Variants in SFMBT2 observed in about 807,000 individuals in gnomAD.
SFMBT2 encodes the protein Scm like with four mbt domains 2.
In SFMBT2, 38 loss-of-function variants were observed where a neutral mutation model predicts 110.1. That is an observed-to-expected ratio of 0.35 (90% CI 0.27 to 0.45). The LOEUF is 0.45. Among genes scored for constraint, SFMBT2 ranks in the 20% least tolerant of loss-of-function variants. SFMBT2 has a pLI of 1.00. For missense variants in SFMBT2, 1,011 were observed against 1,094.9 expected (o/e 0.92, Z 1.08); for synonymous variants, 425 against 425.4 (o/e 1.00, Z 0.01).
At chr10:7,350,656 A>G (rs564087190) in intron 4 of SFMBT2, among the ~76,000 whole-genome samples, 9 of 152,288 alleles carry the variant, frequency 5.9e-5, no homozygotes, top group African/African-American at 2.2e-4. Context: ...TGGAATAAAG[A>G]CTGTTTTATA....
rs1362080305 is a variant in SFMBT2 at position 7,230,189 on chromosome 10, C to A, written c.1121-2252G>T. On this transcript the variant is annotated intron_variant, in intron 9 of 20. Coordinates refer to ENST00000397167, the MANE Select transcript of SFMBT2 (RefSeq NM_001387889.1). ...TTTCATTCTATAAAGACTGAAAATT[C>A]TTTCCAGCCACTTTCAAAGAGGTTC... Among the ~76,000 whole-genome samples the A allele has an allele frequency of 3.3e-5, 5 of 152,056 alleles. No homozygotes were observed. In the South Asian group the frequency reaches 6.2e-4, roughly 19 times the overall value.
intron 4 of SFMBT2, among the ~76,000 whole-genome samples, chr10:7,311,646 T>C (rs1235319685): frequency 1.3e-5 from 2 of 152,244 alleles, no homozygotes; most frequent in East Asian, 1.9e-4. Flanking sequence ...TCACGTCATG[T>C]TGACAAAAAG....
intron 11 of SFMBT2, among the ~76,000 whole-genome samples, chr10:7,209,445 C>T (rs1444897349): frequency 2.0e-5 from 3 of 152,206 alleles, no homozygotes; most frequent in Non-Finnish European, 4.4e-5. Flanking sequence ...CCAGAACCTT[C>T]GTCTCAAAAA....
chr10:7,290,302 G>C (rs1588422333), intron 4 of SFMBT2, among the ~76,000 whole-genome samples: 1 of 150,752 alleles, frequency 6.6e-6, no homozygotes, highest in African/African-American at 2.4e-5. Flanking sequence ...ACATTCTCAT[G>C]AACATTTTTT....
Position 7,189,398 on chromosome 10 carries a change from G to A in SFMBT2, c.1699-665C>T, listed in dbSNP as rs553159104. ...CTACCATGGGGCTCAGAAAGAGCAG[G>A]CATTTCTAAGAGTTCCAGCTGCTGA... On this transcript the variant is annotated intron_variant, in intron 15 of 20. Transcript: ENST00000397167. Among the ~76,000 whole-genome samples the A allele has an allele frequency of 9.9e-5, 15 of 152,204 alleles. No individual in the cohort carries two copies. The South Asian group carries it at 1.7e-3, about 17-fold the overall frequency.
chr10:7,405,113 C>A (rs546719993), intron 1 of SFMBT2, among the ~76,000 whole-genome samples: 4 of 152,286 alleles, frequency 2.6e-5, no homozygotes, highest in Admixed American at 2.0e-4. Context: ...TGCCCAGCGG[C>A]CAAACCTGAA....
intron 7 of SFMBT2, among the ~76,000 whole-genome samples, chr10:7,254,617 C>G (rs575354504): frequency 6.6e-5 from 10 of 151,856 alleles, no homozygotes; most frequent in Non-Finnish European, 1.3e-4. Flanking sequence ...GTCAAGAGAT[C>G]GAGACCATCC....
Position 7,180,131 on chromosome 10 carries a change from TG to T in SFMBT2, c.1809-3967del, listed in dbSNP as rs754957065. On this transcript the variant is annotated intron_variant, in intron 16 of 20. Coordinates refer to ENST00000397167, the MANE Select transcript of SFMBT2 (RefSeq NM_001387889.1). ...CCTTTTATTTAGGTTTGCTTTTTTT[TG>T]CTTTTTTTGAGACAGGGTCTCACTT... Among the ~76,000 whole-genome samples the T allele has an allele frequency of 6.0e-5, 9 of 150,646 alleles. 1 individual carries two copies. The highest frequency in any genetic ancestry group is 7.4e-5 in the African/African-American group (3 of 40,774).
chr10:7,248,701 C>T (rs777331863), intron 7 of SFMBT2, 52 bp from the exon 8 acceptor site: 16 of 1,542,132 alleles, frequency 1.0e-5, no homozygotes, highest in Non-Finnish European at 1.3e-5. Flanking sequence ...TAAATGACCT[C>T]AGCCACTGTC....
At chr10:7,200,854 T>C (rs925256846) in intron 13 of SFMBT2, 85 of 182,982 alleles carry the variant, frequency 4.6e-4, no homozygotes, top group African/African-American at 1.8e-3. Context: ...AGTCAGACTT[T>C]TCCACTTCGA....
intron 4 of SFMBT2, among the ~76,000 whole-genome samples, chr10:7,328,609 GTTAA>G (rs1564442735): frequency 6.6e-6 from 1 of 152,194 alleles, no homozygotes; most frequent in Non-Finnish European, 1.5e-5. Flanking sequence ...AATCTGTTGA[GTTAA>G]TTTTTATATA....
intron 4 of SFMBT2, among the ~76,000 whole-genome samples, chr10:7,292,767 A>G (rs528399213): frequency 6.6e-6 from 1 of 152,324 alleles, no homozygotes; most frequent in African/African-American, 2.4e-5. Context: ...CTGTAATCCC[A>G]GCACTTTAGG....
At position 7,367,503 on chromosome 10, in the gene SFMBT2, C is replaced by G. The variant is rs1411745174; in HGVS notation, c.436+146G>C. ...CTGATCTCCCTCCAGCTAAGGAAAC[C>G]TGAGAAACCACTCTGAAAGAACTGT... On this transcript the variant is annotated intron_variant, in intron 4 of 20. Transcript: ENST00000397167. The surrounding 1 kb of genome is among the most constrained non-coding windows in gnomAD (Gnocchi z 6.2). The G allele has an allele frequency of 1.5e-6, 2 of 1,360,222 alleles. No individual in the cohort carries two copies. The highest frequency in any genetic ancestry group is 1.9e-6 in the Non-Finnish European group (2 of 1,028,362). The allele number at this position is 1,360,222 out of a possible 1,614,324, so 84.3% of individuals were successfully genotyped here. A position where few individuals can be genotyped will look rare whatever the true frequency, so the allele number is the denominator to read the frequency against.
intron 20 of SFMBT2, among the ~76,000 whole-genome samples, chr10:7,167,388 C>T (rs11255031): frequency 1.8e-4 from 28 of 152,286 alleles, no homozygotes; most frequent in African/African-American, 6.7e-4. Flanking sequence ...GTTGCCATAA[C>T]ATTTCAGAAA....
At chr10:7,366,757 C>CT (rs1350483424) in intron 4 of SFMBT2, among the ~76,000 whole-genome samples, 24 of 152,232 alleles carry the variant, frequency 1.6e-4, no homozygotes, top group Non-Finnish European at 3.5e-4. Flanking sequence ...CCAGCCCATT[C>CT]TTTTCCAGCA....
At chr10:7,323,179 C>T (rs558162142) in intron 4 of SFMBT2, among the ~76,000 whole-genome samples, 106 of 152,160 alleles carry the variant, frequency 7.0e-4, no homozygotes, top group African/African-American at 2.3e-3. Context: ...TGGAGCTGGG[C>T]GCGGTGGTTC....
intron 4 of SFMBT2, among the ~76,000 whole-genome samples, chr10:7,318,135 A>G (rs1843069649): frequency 6.6e-6 from 1 of 152,224 alleles, no homozygotes; most frequent in Non-Finnish European, 1.5e-5. Flanking sequence ...ATTCTGGCTA[A>G]TGCTGGGAAG....
At chr10:7,358,072 G>A (rs1180950382) in intron 4 of SFMBT2, among the ~76,000 whole-genome samples, 1 of 151,818 alleles carries the variant, frequency 6.6e-6, no homozygotes, top group Non-Finnish European at 1.5e-5. Context: ...ACATCTGCAT[G>A]GGCCTAGAAC....
At chr10:7,208,196 G>C (rs1010324975) in intron 11 of SFMBT2, among the ~76,000 whole-genome samples, 2 of 152,088 alleles carry the variant, frequency 1.3e-5, no homozygotes, top group African/African-American at 4.8e-5. Flanking sequence ...CGTCCTGAAG[G>C]GTGTGGGATT....
Sources: gnomAD v4.1 joint callset for allele counts (sites outside exome capture counted in the v4.1 genomes callset) on GRCh38, gnomAD v4.1.1 for gene constraint, Gnocchi (gnomAD v3.1) non-coding constraint, MANE v1.5 for transcripts, NCBI Gene and HGNC (gene_info 2026-07-23, HGNC 2026-07-21) for gene names.